Variants in TRIM37 observed in about 807,000 individuals in gnomAD.
TRIM37 encodes tripartite motif containing 37, also known as E3 ubiquitin-protein ligase TRIM37.
TRIM37 carries 80 observed loss-of-function variants against 129.8 expected under a neutral mutation model. The observed-to-expected ratio is 0.62, with a 90% confidence interval of 0.51 to 0.74. The LOEUF is 0.74. Ranked by LOEUF, TRIM37 falls within the 30% of genes least tolerant of loss-of-function variation. The pLI, the probability that TRIM37 is intolerant of heterozygous loss-of-function variation, is 0.00. For missense variants in TRIM37, 1,054 were observed against 1,176.5 expected (o/e 0.90, Z 1.52); for synonymous variants, 389 against 387.1 (o/e 1.00, Z -0.06).
chr17:58,972,638 A>T, the TRIM37 span, among the ~76,000 whole-genome samples: 2 of 152,222 alleles, frequency 1.3e-5, no homozygotes, highest in Non-Finnish European at 2.9e-5. Flanking sequence ...GGCGTGAGCC[A>T]CCGCGCCCGG....
At chr17:59,063,871 G>T (rs1192643146) in intron 10 of TRIM37, among the ~76,000 whole-genome samples, 1 of 152,168 alleles carries the variant, frequency 6.6e-6, no homozygotes, top group East Asian at 1.9e-4. Context: ...TCCTCACTTT[G>T]GGCAGGGCAC....
Position 59,104,544 on chromosome 17 carries a change from C to G in TRIM37, c.22-150G>C, listed in dbSNP as rs1278458558. ...TATCAGGATTTGGTTGGTCAAGATA[C>G]AGAGTACCTCAAAACATCTGGAAAA... On this transcript the variant is annotated intron_variant, in intron 1 of 23. Transcript: ENST00000262294. 3.8e-6 allele frequency: 3 copies of G among 796,532 alleles called. No homozygotes were observed. The Admixed American group carries it at 5.1e-5, about 14-fold the overall frequency. The allele number at this position is 796,532 out of a possible 1,614,324, so 49.3% of individuals were successfully genotyped here. A position where few individuals can be genotyped will look rare whatever the true frequency, so the allele number is the denominator to read the frequency against.
chr17:59,064,252 G>T, intron 10 of TRIM37, 103 bp downstream of exon 10: 1 of 859,844 alleles, frequency 1.2e-6, no homozygotes, highest in Non-Finnish European at 1.8e-6. Flanking sequence ...GACTTCTAAA[G>T]TGAGTGACAC....
intron 17 of TRIM37, among the ~76,000 whole-genome samples, chr17:59,040,193 A>G (rs957545479): frequency 1.3e-5 from 2 of 152,178 alleles, no homozygotes; most frequent in African/African-American, 4.8e-5. Context: ...GGCGTGAGTC[A>G]CCAAGACTGG....
intron 17 of TRIM37, among the ~76,000 whole-genome samples, chr17:59,039,289 A>G (rs1208425609): frequency 3.3e-5 from 5 of 151,898 alleles, no homozygotes; most frequent in Admixed American, 1.3e-4. Flanking sequence ...TCCCTCCTGC[A>G]AAGTGCCTGC....
intron 9 of TRIM37, among the ~76,000 whole-genome samples, chr17:59,070,491 A>C (rs1360908914): frequency 6.6e-6 from 1 of 152,196 alleles, no homozygotes; most frequent in African/African-American, 2.4e-5. Flanking sequence ...AAGAGTCAAA[A>C]GTATCAGTCT....
At chr17:58,969,882 A>G in the TRIM37 span, among the ~76,000 whole-genome samples, 5 of 152,198 alleles carry the variant, frequency 3.3e-5, no homozygotes, top group African/African-American at 4.8e-5. Flanking sequence ...TGTAGTTCCA[A>G]TTCCCTCCTC....
intron 5 of TRIM37, among the ~76,000 whole-genome samples, chr17:59,081,964 A>ATAAT (rs1555688977): frequency 1.0e-3 from 90 of 87,152 alleles, no homozygotes; most frequent in East Asian, 1.9e-3. Context: ...AAAAAAAAAA[A>ATAAT]AATAATAATA....
At position 59,075,519 on chromosome 17, in the gene TRIM37, G is replaced by A. The variant is rs2042734391; in HGVS notation, c.684+128C>T. On this transcript the variant is annotated intron_variant, in intron 8 of 23. Coordinates refer to ENST00000262294, the MANE Select transcript of TRIM37 (RefSeq NM_015294.6). ...GCGGAGTTTACAGTGAGCCGAGATC[G>A]CGCCACTGCACTCCAGCCTGGGCGA... is the stretch of plus-strand genomic sequence containing the variant. The A allele has an allele frequency of 4.2e-5, 27 of 639,416 alleles. 1 individual carries two copies. The South Asian group carries it at 4.4e-4, about 10-fold the overall frequency. The allele number at this position is 639,416 out of a possible 1,614,324, so 39.6% of individuals were successfully genotyped here. A position where few individuals can be genotyped will look rare whatever the true frequency, so the allele number is the denominator to read the frequency against.
the TRIM37 span, among the ~76,000 whole-genome samples, chr17:58,977,313 C>T: frequency 2.6e-5 from 4 of 151,684 alleles, no homozygotes; most frequent in African/African-American, 9.7e-5. Context: ...TATTGTGGTG[C>T]GTGCCTGTAA....
At chr17:58,972,258 C>G in the TRIM37 span, 1 of 1,613,948 alleles carries the variant, frequency 6.2e-7, no homozygotes, top group East Asian at 2.2e-5. Context: ...AATGAAGCCA[C>G]ACAAACCAGA....
downstream of TRIM37, among the ~76,000 whole-genome samples, chr17:58,997,415 C>A (rs2033118347): frequency 1.3e-5 from 2 of 152,186 alleles, no homozygotes; most frequent in South Asian, 4.1e-4. Flanking sequence ...CAGCAGTTCA[C>A]CCCATCCCTG....
chr17:59,096,954 G>A (rs1215402651), intron 2 of TRIM37, among the ~76,000 whole-genome samples: 1 of 152,048 alleles, frequency 6.6e-6, no homozygotes, highest in Non-Finnish European at 1.5e-5. Flanking sequence ...TTTATTCCTA[G>A]AATAGAAAGA....
chr17:59,083,986 A>T lies in TRIM37; in HGVS notation c.369+16T>A. Reference sequence around the variant, plus strand: ...AGCCTCTAACTTAAAAAAAATACTGAATTTGTTCTGCTCACCATTCCTCCC... The same window carrying T: ...AGCCTCTAACTTAAAAAAAATACTGTATTTGTTCTGCTCACCATTCCTCCC... On this transcript the variant is annotated intron_variant, in intron 5 of 23. Coordinates refer to ENST00000262294, the MANE Select transcript of TRIM37 (RefSeq NM_015294.6). 1 of 1,609,202 alleles carries T rather than the reference A, an allele frequency of 6.2e-7. No homozygotes were observed. Among genetic ancestry groups the T allele is most frequent in the Non-Finnish European group, 8.5e-7 (1 of 1,175,782 alleles).
chr17:59,084,809 C>A (rs1002593082), intron 4 of TRIM37, among the ~76,000 whole-genome samples: 2 of 152,098 alleles, frequency 1.3e-5, no homozygotes, highest in African/African-American at 2.4e-5. Flanking sequence ...GTGCACATAG[C>A]AAAGATCATG....
downstream of TRIM37, among the ~76,000 whole-genome samples, chr17:58,979,676 CATT>C (rs1279416524): frequency 2.6e-5 from 4 of 152,134 alleles, 1 homozygote; most frequent in Admixed American, 1.3e-4. Context: ...TTAGATCTGA[CATT>C]GTTGTTACAC....
At chr17:59,102,142 C>T (rs1041024198) in intron 2 of TRIM37, among the ~76,000 whole-genome samples, 3 of 152,110 alleles carry the variant, frequency 2.0e-5, no homozygotes, top group Non-Finnish European at 4.4e-5. Flanking sequence ...AGGAGCCATA[C>T]ACACAGAGAT....
intron 4 of TRIM37, among the ~76,000 whole-genome samples, chr17:59,086,490 C>CG (rs2043764767): frequency 6.6e-6 from 1 of 152,130 alleles, no homozygotes; most frequent in Admixed American, 6.5e-5. Context: ...CCACCCACCC[C>CG]GGCCTCCCAA....
At chr17:59,057,666 G>A (rs1379949683) in intron 12 of TRIM37, among the ~76,000 whole-genome samples, 1 of 152,144 alleles carries the variant, frequency 6.6e-6, no homozygotes, top group Non-Finnish European at 1.5e-5. Flanking sequence ...GAGATTACAA[G>A]TGCACACCAC....
Sources: gnomAD v4.1 joint callset for allele counts (sites outside exome capture counted in the v4.1 genomes callset) on GRCh38, gnomAD v4.1.1 for gene constraint, MANE v1.5 for transcripts, NCBI Gene and HGNC (gene_info 2026-07-23, HGNC 2026-07-21) for gene names.